The following NLGN4X variants were observed in gnomAD, a reference collection of about 807,000 sequenced individuals.
NLGN4X encodes neuroligin-4, X-linked.
In NLGN4X, 3 loss-of-function variants were observed where a neutral mutation model predicts 40.3. The ratio of observed to expected loss-of-function variants is 0.07; its 90% CI spans 0.03 to 0.19. The LOEUF is 0.19. Ranked by LOEUF, NLGN4X falls within the 10% of genes least tolerant of loss-of-function variation. The probability of loss-of-function intolerance (pLI) is 1.00; values close to 1 mark genes in which losing one functional copy is unlikely to be tolerated. For missense variants in NLGN4X, 382 were observed against 708.3 expected, an observed-to-expected ratio of 0.54 and a Z score of 5.23; for synonymous variants, 270 against 306.8, an observed-to-expected ratio of 0.88 and a Z score of 1.25.
chrX:5,988,465 C>T (rs1602013399), intron 3 of NLGN4X, among the ~76,000 whole-genome samples: 2 of 111,928 alleles, frequency 1.8e-5, no homozygotes, highest in African/African-American at 6.5e-5. Flanking sequence ...AAGACATTGG[C>T]GGGTGGGAAT....
chrX:5,900,589 TA>T (rs1458231660), intron 5 of NLGN4X, among the ~76,000 whole-genome samples: 3,169 of 27,330 alleles, frequency 0.12, 342 homozygotes, highest in East Asian at 0.22. Flanking sequence ...TTTTTTTTTT[TA>T]AAGATAAAGG....
chrX:5,920,174 G>A (rs764478901), intron 3 of NLGN4X, among the ~76,000 whole-genome samples: 12 of 112,068 alleles, frequency 1.1e-4, no homozygotes, highest in Non-Finnish European at 2.3e-4. Flanking sequence ...TACGAGTTGC[G>A]AAGTTTCAAA....
At chrX:6,032,897 T>G in intron 2 of NLGN4X, 1 of 337,086 alleles carries the variant, frequency 3.0e-6, no homozygotes, top group Non-Finnish European at 5.0e-6. Context: ...TTTGTTACAT[T>G]TGGATTTCAA....
At position 5,903,427 on chromosome X, in the gene NLGN4X, C is replaced by G. The variant is rs61741754; in HGVS notation, c.1251G>C (p.Arg417=). The G allele has an allele frequency of 0.012, 13,923 of 1,205,183 alleles. 976 individuals are homozygous for G. The African/African-American group carries it at 0.21, about 18-fold the overall frequency. ...YGYPEGKDTL[R]ETIKFMYTDW... ...CTGTGTACATGAACTTGATAGTCTC[C>G]CGCAAAGTGTCTTTCCCTTCAGGGT... The change falls in exon 5 of 6, where the codon CGG becomes CGC. Residue 417 remains arginine (R), a synonymous_variant. Coordinates refer to ENST00000381095, the MANE Select transcript of NLGN4X (RefSeq NM_181332.3).
At position 6,121,548 on chromosome X, in the gene NLGN4X, G is replaced by A. The variant is rs2039425507; in HGVS notation, c.472+29447C>T. 3.6e-5 allele frequency among the ~76,000 whole-genome samples: 4 copies of A among 112,334 alleles called. No individual in the cohort carries two copies. The Admixed American group carries it at 3.8e-4, about 11-fold the overall frequency. On this transcript the variant is annotated intron_variant, in intron 2 of 5. Transcript: ENST00000381095. ...GAAGATGCTGAGAGAGAATATTCTT[G>A]CAGCCAGAAGTAATTCCTTTGTGTG...
chrX:6,192,431 A>G (rs1031845959), intron 1 of NLGN4X, among the ~76,000 whole-genome samples: 16 of 111,792 alleles, frequency 1.4e-4, no homozygotes, highest in African/African-American at 5.2e-4. Flanking sequence ...CCTGGCCTCA[A>G]TTACTTCTTA....
intron 2 of NLGN4X, among the ~76,000 whole-genome samples, chrX:6,130,177 G>A (rs779638941): frequency 5.4e-5 from 6 of 111,754 alleles, no homozygotes; most frequent in African/African-American, 1.6e-4. Context: ...CATCAGCCAC[G>A]AGGCTTGGCC....
chrX:6,001,201 A>T (rs1483371593), intron 3 of NLGN4X, among the ~76,000 whole-genome samples: 4 of 111,735 alleles, frequency 3.6e-5, no homozygotes, highest in African/African-American at 1.3e-4. Flanking sequence ...GGATTATGGG[A>T]ACTACAGTTC....
At chrX:6,188,395 A>C (rs754969736) in intron 1 of NLGN4X, among the ~76,000 whole-genome samples, 1 of 112,022 alleles carries the variant, frequency 8.9e-6, no homozygotes, top group East Asian at 2.8e-4. Context: ...CTTTCATCCC[A>C]CTTTCTAAGT....
At chrX:6,014,096 C>T (rs2036325976) in intron 3 of NLGN4X, among the ~76,000 whole-genome samples, 1 of 108,502 alleles carries the variant, frequency 9.2e-6, no homozygotes, top group Non-Finnish European at 1.9e-5. Flanking sequence ...GCAAGGGAAT[C>T]ACTTGAACCC....
intron 2 of NLGN4X, among the ~76,000 whole-genome samples, chrX:6,034,632 T>C (rs768822201): frequency 3.6e-5 from 4 of 111,893 alleles, no homozygotes; most frequent in Non-Finnish European, 7.5e-5. Flanking sequence ...TCTCTATTTC[T>C]CTAATACCTA....
chrX:6,201,574 G>A lies in NLGN4X; in HGVS notation c.-306+26967C>T, dbSNP rs188675458. Among the ~76,000 whole-genome samples the A allele has an allele frequency of 1.2e-4, 14 of 112,169 alleles. No individual in the cohort carries two copies. The East Asian group carries it at 4.0e-3, about 32-fold the overall frequency. The stretch of plus-strand genomic sequence containing the variant: ...ATTAAAATAGTAACACATAAAGTGA[G>A]AAGATGACCAAGGAAAGTACAGATG... On this transcript the variant is annotated intron_variant, in intron 1 of 5. Transcript: ENST00000381095.
chrX:6,100,594 T>C (rs1036004399), intron 2 of NLGN4X, among the ~76,000 whole-genome samples: 1 of 111,726 alleles, frequency 9.0e-6, no homozygotes, highest in Non-Finnish European at 1.9e-5. Flanking sequence ...CAGAAGTAGT[T>C]GGCAAAGGAA....
intron 3 of NLGN4X, among the ~76,000 whole-genome samples, chrX:6,014,549 C>T (rs147228450): frequency 9.0e-6 from 1 of 111,473 alleles, no homozygotes; most frequent in East Asian, 2.8e-4. Flanking sequence ...GAATGTTTTT[C>T]GTGAAGGAGA....
chrX:6,194,434 T>C (rs1051873329), intron 1 of NLGN4X, among the ~76,000 whole-genome samples: 11 of 111,554 alleles, frequency 9.9e-5, no homozygotes, highest in African/African-American at 3.6e-4. Flanking sequence ...ACCTGCGAGA[T>C]ATCTAACAGA....
chrX:6,226,583 G>A, intron 1 of NLGN4X: 1 of 114,003 alleles, frequency 8.8e-6, no homozygotes, highest in Non-Finnish European at 1.9e-5. Context: ...TACCGGGGGC[G>A]CAAAGCTTCG....
At chrX:6,227,518 C>G (rs1926488905) in intron 1 of NLGN4X, among the ~76,000 whole-genome samples, 1 of 109,802 alleles carries the variant, frequency 9.1e-6, no homozygotes, top group Non-Finnish European at 1.9e-5. Context: ...CCCCCCCGCG[C>G]CCCCCTCAAA....
chrX:6,003,511 C>T (rs1382884729), intron 3 of NLGN4X, among the ~76,000 whole-genome samples: 2 of 111,775 alleles, frequency 1.8e-5, no homozygotes, highest in Admixed American at 1.9e-4. Flanking sequence ...TAAACTCATT[C>T]CATAAAACAA....
chrX:6,115,332 T>C (rs908126442), intron 2 of NLGN4X, among the ~76,000 whole-genome samples: 2 of 112,069 alleles, frequency 1.8e-5, no homozygotes, highest in African/African-American at 3.3e-5. Flanking sequence ...CTTGGGAATA[T>C]AGGATAACTC....
Sources: gnomAD v4.1 joint callset for allele counts (sites outside exome capture counted in the v4.1 genomes callset) on GRCh38, gnomAD v4.1.1 for gene constraint, MANE v1.5 for transcripts, NCBI Gene and HGNC (gene_info 2026-07-23, HGNC 2026-07-21) for gene names.